The following CTNND2 variants were observed in gnomAD, a reference collection of about 807,000 sequenced individuals.
CTNND2 encodes the protein catenin delta 2.
A neutral mutation model predicts 144.4 loss-of-function variants in CTNND2; 22 were observed. That is an observed-to-expected ratio of 0.15 (90% CI 0.11 to 0.22). CTNND2 has a LOEUF of 0.22. Among genes scored for constraint, CTNND2 ranks in the 10% least tolerant of loss-of-function variants. CTNND2 has a pLI of 1.00. For synonymous variants in CTNND2, 751 were observed against 695.6 expected (o/e 1.08, Z -1.25); for missense variants, 1,353 against 1,618.8 (o/e 0.84, Z 2.82).
chr5:11,248,875 A>G (rs181171629), intron 9 of CTNND2, among the ~76,000 whole-genome samples: 1 of 152,342 alleles, frequency 6.6e-6, no homozygotes, highest in African/African-American at 2.4e-5. Context: ...AACAATATCC[A>G]TTTTTGGTTT....
At chr5:11,698,270 T>C (rs1034425612) in intron 2 of CTNND2, among the ~76,000 whole-genome samples, 1 of 151,692 alleles carries the variant, frequency 6.6e-6, no homozygotes, top group Non-Finnish European at 1.5e-5. Context: ...ATTTCTTGTA[T>C]TAAAGCAACA....
At chr5:11,142,913 A>T (rs1756884209) in intron 12 of CTNND2, among the ~76,000 whole-genome samples, 1 of 152,152 alleles carries the variant, frequency 6.6e-6, no homozygotes, top group Non-Finnish European at 1.5e-5. Flanking sequence ...TTATTAGCCA[A>T]CTGGTCTTGG....
intron 1 of CTNND2, among the ~76,000 whole-genome samples, chr5:11,772,447 G>A (rs549691735): frequency 5.6e-4 from 86 of 152,220 alleles, no homozygotes; most frequent in African/African-American, 2.1e-3. Flanking sequence ...GCTCACAGAG[G>A]ACTTTGAATA....
chr5:11,774,547 T>TTA (rs1790132866), intron 1 of CTNND2, among the ~76,000 whole-genome samples: 1 of 40,582 alleles, frequency 2.5e-5, no homozygotes, highest in African/African-American at 4.0e-5. Flanking sequence ...ACTTAAAGTA[T>TTA]AATAAAAAAA....
At chr5:11,655,938 G>A (rs1257266315) in intron 2 of CTNND2, among the ~76,000 whole-genome samples, 1 of 151,812 alleles carries the variant, frequency 6.6e-6, no homozygotes, top group Non-Finnish European at 1.5e-5. Flanking sequence ...CTGAGTCAGC[G>A]ATCTTTGACT....
At chr5:11,154,674 G>A (rs1029486390) in intron 12 of CTNND2, among the ~76,000 whole-genome samples, 5 of 152,134 alleles carry the variant, frequency 3.3e-5, no homozygotes, top group African/African-American at 1.2e-4. Flanking sequence ...TCAGAACCGA[G>A]TACCACAAAC....
intron 7 of CTNND2, among the ~76,000 whole-genome samples, chr5:11,368,942 A>T (rs2149778508): frequency 6.6e-6 from 1 of 152,346 alleles, no homozygotes; most frequent in African/African-American, 2.4e-5. Context: ...AGGTGTCCTC[A>T]TGCCAATGAA....
intron 2 of CTNND2, among the ~76,000 whole-genome samples, chr5:11,699,993 T>G (rs924022989): frequency 6.6e-6 from 1 of 152,206 alleles, no homozygotes; most frequent in Non-Finnish European, 1.5e-5. Context: ...GTTGAAATCA[T>G]CTATATTTTG....
At chr5:11,567,384 T>A (rs1777203779) in intron 2 of CTNND2, among the ~76,000 whole-genome samples, 1 of 152,312 alleles carries the variant, frequency 6.6e-6, no homozygotes, top group East Asian at 1.9e-4. Flanking sequence ...CTTTATAGAT[T>A]CCAGCATATC....
chr5:11,500,378 A>C (rs1770422684), intron 3 of CTNND2, among the ~76,000 whole-genome samples: 1 of 152,222 alleles, frequency 6.6e-6, no homozygotes, highest in Admixed American at 6.5e-5. Flanking sequence ...AATCCCTTTC[A>C]GAATTGAGGT....
chr5:11,031,202 C>T (rs1015522664), intron 16 of CTNND2, among the ~76,000 whole-genome samples: 2 of 152,174 alleles, frequency 1.3e-5, no homozygotes, highest in African/African-American at 4.8e-5. Flanking sequence ...GAGGGGCTTG[C>T]AATCATGGTA....
At chr5:11,207,060 A>G (rs1738120794) in intron 10 of CTNND2, among the ~76,000 whole-genome samples, 1 of 152,230 alleles carries the variant, frequency 6.6e-6, no homozygotes, top group Non-Finnish European at 1.5e-5. Context: ...GCAGCCATAT[A>G]AAAGGATGAG....
chr5:11,853,080 G>C (rs1232054544), intron 1 of CTNND2, among the ~76,000 whole-genome samples: 6 of 152,124 alleles, frequency 3.9e-5, no homozygotes, highest in African/African-American at 1.4e-4. Flanking sequence ...TCTCTGGGAA[G>C]AATCTACTTA....
At chr5:11,290,443 A>T (rs881674) in intron 9 of CTNND2, among the ~76,000 whole-genome samples, 37,075 of 152,106 alleles carry the variant, frequency 0.24, 4,684 homozygotes, top group African/African-American at 0.28. Context: ...GTTCCAACAA[A>T]AAAAGCCTTT....
chr5:11,096,128 G>C (rs543457453), intron 15 of CTNND2, among the ~76,000 whole-genome samples: 1 of 151,828 alleles, frequency 6.6e-6, no homozygotes, highest in South Asian at 2.1e-4. Flanking sequence ...ATAATCTGCT[G>C]TTAATCCCAT....
At chr5:11,448,192 G>T (rs1404492111) in intron 3 of CTNND2, among the ~76,000 whole-genome samples, 1 of 152,142 alleles carries the variant, frequency 6.6e-6, no homozygotes, top group African/African-American at 2.4e-5. Flanking sequence ...TATACCAAAC[G>T]ATTTACACAA....
intron 1 of CTNND2, among the ~76,000 whole-genome samples, chr5:11,782,346 C>CA (rs148323578): frequency 7.9e-4 from 119 of 150,340 alleles, no homozygotes; most frequent in South Asian, 1.5e-3. Flanking sequence ...ACACTAAATA[C>CA]AAAAAAAAAG....
chr5:11,520,673 T>G (rs1772644293), intron 3 of CTNND2, among the ~76,000 whole-genome samples: 1 of 152,208 alleles, frequency 6.6e-6, no homozygotes, highest in Non-Finnish European at 1.5e-5. Context: ...TGGCCTTGAA[T>G]TGTGGCCCTC....
chr5:11,843,688 A>G (rs930259421), intron 1 of CTNND2, among the ~76,000 whole-genome samples: 5 of 152,218 alleles, frequency 3.3e-5, no homozygotes, highest in African/African-American at 1.2e-4. Context: ...AATGCGACTT[A>G]TATTTCACTA....
Sources: gnomAD v4.1 joint callset for allele counts (sites outside exome capture counted in the v4.1 genomes callset) on GRCh38, gnomAD v4.1.1 for gene constraint, MANE v1.5 for transcripts, NCBI Gene and HGNC (gene_info 2026-07-23, HGNC 2026-07-21) for gene names.